The following TOMM34 variants were observed in gnomAD, a reference collection of about 807,000 sequenced individuals.
TOMM34 encodes the protein translocase of outer mitochondrial membrane 34.
Under a neutral mutation model 37.4 loss-of-function variants are expected in TOMM34, and 24 were observed. The ratio of observed to expected loss-of-function variants is 0.64; its 90% CI spans 0.46 to 0.90. The LOEUF is 0.90. Among genes scored for constraint, TOMM34 ranks in the 40% least tolerant of loss-of-function variants. The probability of loss-of-function intolerance (pLI) is 0.00; values close to 1 mark genes in which losing one functional copy is unlikely to be tolerated. For synonymous variants in TOMM34, 154 were observed against 148.9 expected (o/e 1.03, Z -0.25); for missense variants, 304 against 375.6 (o/e 0.81, Z 1.58).
At chr20:44,956,602 T>C (rs1050154602) in intron 1 of TOMM34, 117 bp from the exon 2 acceptor site, 4 of 928,116 alleles carry the variant, frequency 4.3e-6, no homozygotes, top group African/African-American at 3.3e-5. Flanking sequence ...GAGATAACTA[T>C]AACCTGTTCA....
chr20:44,948,129 A>G (rs538787429), intron 5 of TOMM34, among the ~76,000 whole-genome samples: 4 of 152,166 alleles, frequency 2.6e-5, no homozygotes, highest in Admixed American at 2.6e-4. Flanking sequence ...AAGACCACCT[A>G]TACGAGCATT....
At chr20:44,949,882 CAGA>C (rs1568661038) in intron 4 of TOMM34, among the ~76,000 whole-genome samples, 2 of 152,180 alleles carry the variant, frequency 1.3e-5, no homozygotes, top group African/African-American at 4.8e-5. Flanking sequence ...GAACTTCATA[CAGA>C]AGAATAAGTC....
At chr20:44,956,245 C>T in intron 2 of TOMM34, 141 bp downstream of exon 2, 1 of 813,850 alleles carries the variant, frequency 1.2e-6, no homozygotes, top group Non-Finnish European at 2.0e-6. Flanking sequence ...TCTCAGTGAC[C>T]TGGTGAAACT....
chr20:44,950,663 C>A (rs765078122), intron 4 of TOMM34, among the ~76,000 whole-genome samples: 5 of 152,250 alleles, frequency 3.3e-5, no homozygotes, highest in Non-Finnish European at 5.9e-5. Flanking sequence ...TAGCACCGCA[C>A]ATTTTCATCC....
rs150233127 is a variant in TOMM34 at position 44,949,170 on chromosome 20, C to T, written c.551-293G>A. The stretch of plus-strand genomic sequence containing the variant: ...ACCCAGGTTCTAGCCTTGGCACTGC[C>T]TCTTGGTAGCTGGAAGATCTTGTGT... On this transcript the variant is annotated intron_variant, in intron 4 of 6. Coordinates refer to ENST00000372813, the MANE Select transcript of TOMM34 (RefSeq NM_006809.5). Among the ~76,000 whole-genome samples the T allele has an allele frequency of 2.0e-3, 302 of 152,284 alleles. 1 individual carries two copies. Among genetic ancestry groups the T allele is most frequent in the African/African-American group, 6.9e-3 (288 of 41,540 alleles).
At chr20:44,946,014 T>G (rs955386284) in intron 5 of TOMM34, among the ~76,000 whole-genome samples, 3 of 152,096 alleles carry the variant, frequency 2.0e-5, no homozygotes, top group Non-Finnish European at 1.5e-5. Flanking sequence ...CATGCCACCA[T>G]GCCCAGCTAA....
chr20:44,942,781 T>C lies in TOMM34; in HGVS notation c.*328A>G, dbSNP rs1346276253. On this transcript the variant is annotated 3_prime_UTR_variant, in exon 7 of 7. Coordinates refer to ENST00000372813, the MANE Select transcript of TOMM34 (RefSeq NM_006809.5). ...GGGCAGCACTCAGTCTGCAGCCCAC[T>C]TGGGCAGGACAAAGCCAAATGCTTT... The C allele has an allele frequency of 5.5e-6, 2 of 365,776 alleles. No homozygotes were observed. The highest frequency in any genetic ancestry group is 7.4e-5 in the South Asian group (2 of 27,000). 22.7% of individuals were successfully genotyped at this position (365,776 alleles called of 1,614,324 possible). A position where few individuals can be genotyped will look rare whatever the true frequency, so the allele number is the denominator to read the frequency against.
intron 5 of TOMM34, among the ~76,000 whole-genome samples, chr20:44,946,283 G>C (rs994224539): frequency 6.6e-6 from 1 of 152,292 alleles, no homozygotes; most frequent in South Asian, 2.1e-4. Flanking sequence ...GTGATTAATA[G>C]GGTCATGTGA....
intron 3 of TOMM34, among the ~76,000 whole-genome samples, chr20:44,953,724 G>C (rs905687158): frequency 3.3e-5 from 5 of 152,112 alleles, no homozygotes; most frequent in African/African-American, 1.2e-4. Context: ...AACCACTAAA[G>C]CTTGTTGATA....
In TOMM34 at chr20:44,943,450, T is replaced by C. The variant is rs2066953244; in HGVS notation, c.825+3A>G. 2 of 1,614,074 alleles carry C rather than the reference T, an allele frequency of 1.2e-6. No individual in the cohort carries two copies. The highest frequency in any genetic ancestry group is 1.7e-6 in the Non-Finnish European group (2 of 1,180,004). ...GGACCTTTTGGCCAGGATTTTTTTT[T>C]ACCTTGAGTGCTTTGTGGGCTTGAG... is the stretch of plus-strand genomic sequence containing the variant. On this transcript the variant is annotated splice_donor_region_variant and intron_variant, in intron 6 of 6. Transcript: ENST00000372813.
At chr20:44,958,225 C>T (rs2067094084) in intron 1 of TOMM34, 2 of 400,258 alleles carry the variant, frequency 5.0e-6, no homozygotes, top group Admixed American at 2.9e-5. Context: ...ATCATATTGC[C>T]TATCCTTCTG....
chr20:44,957,365 G>A (rs895834702), intron 1 of TOMM34, among the ~76,000 whole-genome samples: 1 of 152,066 alleles, frequency 6.6e-6, no homozygotes, highest in Non-Finnish European at 1.5e-5. Flanking sequence ...GTAGAGACAG[G>A]GTTTCACTAT....
intron 3 of TOMM34, among the ~76,000 whole-genome samples, chr20:44,952,975 C>A (rs1451165898): frequency 1.3e-5 from 2 of 152,056 alleles, no homozygotes; most frequent in Non-Finnish European, 2.9e-5. Flanking sequence ...TACAAACCTA[C>A]CTGCCTGGGT....
Position 44,955,452 on chromosome 20 carries a change from G to A in TOMM34, c.228-232C>T, listed in dbSNP as rs182702871. The stretch of plus-strand genomic sequence containing the variant: ...AATTTTGTTAAATGTGTGTGCACAT[G>A]CATCAATTTTCATAGTTTCAGTTCC... On this transcript the variant is annotated intron_variant, in intron 2 of 6. Coordinates refer to ENST00000372813, the MANE Select transcript of TOMM34 (RefSeq NM_006809.5). The A allele has an allele frequency of 9.3e-6, 6 of 647,678 alleles. No individual in the cohort carries two copies. The East Asian group carries it at 9.3e-5, about 10-fold the overall frequency. 40.1% of individuals were successfully genotyped at this position (647,678 alleles called of 1,614,324 possible). A position where few individuals can be genotyped will look rare whatever the true frequency, so the allele number is the denominator to read the frequency against.
At chr20:44,951,777 T>C in intron 4 of TOMM34, 56 bp downstream of exon 4, 1 of 1,561,576 alleles carries the variant, frequency 6.4e-7, no homozygotes, top group South Asian at 1.2e-5. Flanking sequence ...AGGACTACTC[T>C]AAAGAAAATG....
In TOMM34 at chr20:44,960,328, G is replaced by C; in HGVS notation, c.6C>G (p.Ala2=). 6.4e-7 allele frequency: 1 copy of C among 1,573,216 alleles called. No individual in the cohort carries two copies. Among genetic ancestry groups the C allele is most frequent in the Non-Finnish European group, 8.6e-7 (1 of 1,159,844 alleles). ...CCTCCACAGAGTCTGGGAATTTGGG[G>C]GCCATCCCGTGGCCAGGCCGGCGAG... M[A]PKFPDSVEEL... The change falls in exon 1 of 7, where the codon GCC becomes GCG. Residue 2 remains alanine, a synonymous_variant. Transcript: ENST00000372813.
At chr20:44,953,230 C>T (rs557561149) in intron 3 of TOMM34, among the ~76,000 whole-genome samples, 1 of 152,222 alleles carries the variant, frequency 6.6e-6, no homozygotes, top group Non-Finnish European at 1.5e-5. Context: ...GGTATACTCC[C>T]CAGCTTCTCT....
intron 3 of TOMM34, among the ~76,000 whole-genome samples, chr20:44,952,411 T>C (rs779716168): frequency 2.0e-5 from 3 of 152,232 alleles, no homozygotes; most frequent in Non-Finnish European, 4.4e-5. Flanking sequence ...GCAAAGCTTA[T>C]GTCATTCTCA....
intron 2 of TOMM34, 68 bp from the exon 3 acceptor site, chr20:44,955,288 C>T: frequency 6.3e-7 from 1 of 1,580,418 alleles, no homozygotes; most frequent in Non-Finnish European, 8.6e-7. Context: ...ACAGTTTCTT[C>T]CAGGCAGGGT....
Sources: allele counts gnomAD v4.1 joint callset (sites outside exome capture counted in the v4.1 genomes callset), GRCh38; gene constraint gnomAD v4.1.1; transcripts MANE v1.5; gene names NCBI Gene and HGNC (gene_info 2026-07-23, HGNC 2026-07-21).